KCNAB2: variants seen among roughly 807,000 people sequenced by gnomAD.
KCNAB2 encodes voltage-gated potassium channel subunit beta-2.
A neutral mutation model predicts 63.6 loss-of-function variants in KCNAB2; 29 were observed. The ratio of observed to expected loss-of-function variants is 0.46; its 90% CI spans 0.34 to 0.62. KCNAB2 has a LOEUF of 0.62. KCNAB2 is among the 20% of genes least tolerant of loss of function. The probability of loss-of-function intolerance (pLI) is 0.01; values close to 1 mark genes in which losing one functional copy is unlikely to be tolerated. For synonymous variants in KCNAB2, 222 were observed against 224.2 expected (o/e 0.99, Z 0.09); for missense variants, 359 against 563.9 (o/e 0.64, Z 3.68).
chr1:6,055,280 G>A (rs1467782297), intron 2 of KCNAB2, among the ~76,000 whole-genome samples: 2 of 152,068 alleles, frequency 1.3e-5, no homozygotes, highest in Non-Finnish European at 2.9e-5. Context: ...AGACACTGCA[G>A]GTCCCACTGT....
intron 1 of KCNAB2, among the ~76,000 whole-genome samples, chr1:6,009,419 A>G (rs1202155659): frequency 6.6e-6 from 1 of 151,866 alleles, no homozygotes; most frequent in East Asian, 1.9e-4. Context: ...ACACGTGTGC[A>G]TATGTGTATG....
At chr1:5,999,049 C>T (rs1462559327) in intron 1 of KCNAB2, among the ~76,000 whole-genome samples, 2 of 152,252 alleles carry the variant, frequency 1.3e-5, no homozygotes, top group Admixed American at 6.5e-5. Flanking sequence ...GCCAGCAGCA[C>T]CCTCTTTCGT....
Position 6,073,302 on chromosome 1 carries a change from G to GC in KCNAB2, c.263-425dup, listed in dbSNP as rs936146863. Reference sequence around the variant, plus strand: ...CCGCCCACTGCAGTACACACACCCCGCCCCCCACCAGCACCCACTGCCCTG... The same window carrying GC: ...CCGCCCACTGCAGTACACACACCCCGCCCCCCCACCAGCACCCACTGCCCTG... On this transcript the variant is annotated intron_variant, in intron 3 of 15. Transcript: ENST00000378083. This position sits in a 1 kb window ranked among gnomAD's most constrained non-coding sequence, Gnocchi z 5.7. Among the ~76,000 whole-genome samples, 1 of 146,418 alleles carries GC rather than the reference G, an allele frequency of 6.8e-6. No homozygotes were observed. The highest frequency in any genetic ancestry group is 1.5e-5 in the Non-Finnish European group (1 of 66,550).
At position 6,093,800 on chromosome 1, in the gene KCNAB2, C is replaced by T. The variant is rs533392257; in HGVS notation, c.647-600C>T. Among the ~76,000 whole-genome samples, 57 of 152,324 alleles carry T rather than the reference C, an allele frequency of 3.7e-4. 1 individual carries two copies. In the East Asian group the frequency reaches 5.8e-3, roughly 15 times the overall value. ...GCTTTCCACGCCCACTTCTCAGTCT[C>T]CTGGACATGACAGGAAACATGAGCT... On this transcript the variant is annotated intron_variant, in intron 10 of 15. Coordinates refer to ENST00000378083, the MANE Select transcript of KCNAB2 (RefSeq NM_001199862.2).
At chr1:6,045,330 C>A (rs1321719586), upstream of KCNAB2, among the ~76,000 whole-genome samples, 1 of 152,102 alleles carries the variant, frequency 6.6e-6, no homozygotes, top group East Asian at 1.9e-4. The surrounding 1 kb of genome is among the most constrained non-coding windows in gnomAD (Gnocchi z 4.8). Context: ...CACGCAGTGA[C>A]CCTGGGGGTC....
chr1:6,089,221 G>A (rs1475917066), intron 8 of KCNAB2, among the ~76,000 whole-genome samples, 170 bp downstream of exon 8: 1 of 152,224 alleles, frequency 6.6e-6, no homozygotes, highest in Non-Finnish European at 1.5e-5. Flanking sequence ...GTAGCACAGC[G>A]GGACGCTGCA....
At position 6,087,246 on chromosome 1, in the gene KCNAB2, T is replaced by G. The variant is rs1246876583; in HGVS notation, c.426-221T>G. The stretch of plus-strand genomic sequence containing the variant: ...CAACTCCCACTGCCTGACTCACAGT[T>G]ACTGCCTCGGTGGCTGCCTCCTGGC... On this transcript the variant is annotated intron_variant, in intron 6 of 15. Coordinates refer to ENST00000378083, the MANE Select transcript of KCNAB2 (RefSeq NM_001199862.2). The surrounding 1 kb of genome is among the most constrained non-coding windows in gnomAD (Gnocchi z 6.4). 6.6e-6 allele frequency among the ~76,000 whole-genome samples: 1 copy of G among 152,128 alleles called. No homozygotes were observed. The highest frequency in any genetic ancestry group is 1.5e-5 in the Non-Finnish European group (1 of 68,018).
intron 2 of KCNAB2, among the ~76,000 whole-genome samples, chr1:6,056,615 G>A (rs971907009): frequency 6.6e-6 from 1 of 152,158 alleles, no homozygotes; most frequent in Non-Finnish European, 1.5e-5. Flanking sequence ...CATGGTGCTG[G>A]GAGTGAACCC....
chr1:6,031,605 G>A (rs1265839604), upstream of KCNAB2, among the ~76,000 whole-genome samples: 2 of 152,076 alleles, frequency 1.3e-5, no homozygotes, highest in African/African-American at 4.8e-5. The surrounding 1 kb of genome is among the most constrained non-coding windows in gnomAD (Gnocchi z 4.1). Flanking sequence ...TGCCAGCCCT[G>A]GCCGGGTGCA....
chr1:6,000,151 G>A (rs1223380730), intron 1 of KCNAB2, among the ~76,000 whole-genome samples: 2 of 152,190 alleles, frequency 1.3e-5, no homozygotes, highest in Admixed American at 6.5e-5. Context: ...ATCCTGCAGC[G>A]CCTCCCGCCT....
chr1:6,025,011 C>G (rs1204710271), intron 1 of KCNAB2, among the ~76,000 whole-genome samples: 1 of 152,210 alleles, frequency 6.6e-6, no homozygotes, highest in Non-Finnish European at 1.5e-5. Flanking sequence ...TCCCCCAGCT[C>G]TCCGTCATGG....
intron 2 of KCNAB2, among the ~76,000 whole-genome samples, chr1:6,056,901 A>G (rs1483292820): frequency 6.6e-6 from 1 of 151,738 alleles, no homozygotes; most frequent in Non-Finnish European, 1.5e-5. Context: ...CTATGAAGTC[A>G]TCAGAAGCCC....
At chr1:6,017,108 G>A (rs1414829333) in intron 1 of KCNAB2, among the ~76,000 whole-genome samples, 1 of 152,172 alleles carries the variant, frequency 6.6e-6, no homozygotes, top group East Asian at 1.9e-4. Flanking sequence ...CACCAAGACA[G>A]AGGAAAAGTC....
intron 2 of KCNAB2, among the ~76,000 whole-genome samples, chr1:6,064,056 G>C (rs1180160682): frequency 2.0e-5 from 3 of 152,206 alleles, no homozygotes; most frequent in South Asian, 4.1e-4. Context: ...TGTGGGATCC[G>C]ATGTTGCCAG....
intron 7 of KCNAB2, among the ~76,000 whole-genome samples, chr1:6,088,020 C>G (rs551535756): frequency 3.3e-5 from 5 of 152,078 alleles, no homozygotes; most frequent in African/African-American, 1.2e-4. Flanking sequence ...ATTATAACTA[C>G]GATTCATTCA....
chr1:6,093,434 A>G (rs1263842669), intron 10 of KCNAB2, among the ~76,000 whole-genome samples: 1 of 152,210 alleles, frequency 6.6e-6, no homozygotes, highest in Non-Finnish European at 1.5e-5. Context: ...GCTGAGAGGG[A>G]GCTATAACCA....
rs1316049796 is a variant in KCNAB2, at chr1:6,086,297, G to A, written c.425+1049G>A. On this transcript the variant is annotated intron_variant, in intron 6 of 15. Coordinates refer to ENST00000378083, the MANE Select transcript of KCNAB2 (RefSeq NM_001199862.2). This position sits in a 1 kb window ranked among gnomAD's most constrained non-coding sequence, Gnocchi z 4.2. Reference sequence around the variant, plus strand: ...CCCTTCCTCTTGTCCCATCAAATTTGTTTTTTGGCAACTCTGATCCCAAAA... The same window carrying A: ...CCCTTCCTCTTGTCCCATCAAATTTATTTTTTGGCAACTCTGATCCCAAAA... The A allele has an allele frequency of 1.0e-6, 1 of 953,794 alleles. No individual in the cohort carries two copies. Among genetic ancestry groups the A allele is most frequent in the Non-Finnish European group, 1.2e-6 (1 of 811,210 alleles). The allele number at this position is 953,794 out of a possible 1,614,324, so 59.1% of individuals were successfully genotyped here. A position where few individuals can be genotyped will look rare whatever the true frequency, so the allele number is the denominator to read the frequency against.
In KCNAB2 at chr1:6,024,914, C is replaced by T. The variant is rs1333351354; in HGVS notation, c.-52-15603C>T. Among the ~76,000 whole-genome samples, 1 of 152,194 alleles carries T rather than the reference C, an allele frequency of 6.6e-6. No individual in the cohort carries two copies. Among genetic ancestry groups the T allele is most frequent in the Non-Finnish European group, 1.5e-5 (1 of 68,032 alleles). On this transcript the variant is annotated intron_variant, in intron 1 of 16. Transcript: ENST00000341524. This position sits in a 1 kb window ranked among gnomAD's most constrained non-coding sequence, Gnocchi z 5.4. ...GCGACCTTGGATGTTATTTAATATTCTTGGGCCTCAATTTCCCCATCTGTA... is the reference window on the plus strand; with the variant it reads ...GCGACCTTGGATGTTATTTAATATTTTTGGGCCTCAATTTCCCCATCTGTA...
rs750076076 is a variant in KCNAB2, at chr1:6,085,195, G to C, written c.381-9G>C. ...GGCTGTGATGAGAGCTCGGTGTCTTGTTTTGCAGGGCTGAAGTGGTACTGG... is the reference window on the plus strand; with the variant it reads ...GGCTGTGATGAGAGCTCGGTGTCTTCTTTTGCAGGGCTGAAGTGGTACTGG... On this transcript the variant is annotated splice_polypyrimidine_tract_variant and intron_variant, in intron 5 of 15. Coordinates refer to ENST00000378083, the MANE Select transcript of KCNAB2 (RefSeq NM_001199862.2). 1.2e-6 allele frequency: 2 copies of C among 1,614,086 alleles called. No homozygotes were observed. Among genetic ancestry groups the C allele is most frequent in the South Asian group, 2.2e-5 (2 of 91,078 alleles).
Sources: gnomAD v4.1 joint callset for allele counts (sites outside exome capture counted in the v4.1 genomes callset) on GRCh38, gnomAD v4.1.1 for gene constraint, Gnocchi (gnomAD v3.1) non-coding constraint, MANE v1.5 for transcripts, NCBI Gene and HGNC (gene_info 2026-07-23, HGNC 2026-07-21) for gene names.